KCTD18: variants seen among roughly 807,000 people sequenced by gnomAD.
The protein encoded by KCTD18 is BTB/POZ domain-containing protein KCTD18.
A neutral mutation model predicts 30.4 loss-of-function variants in KCTD18; 22 were observed. The ratio of observed to expected loss-of-function variants is 0.72; its 90% confidence interval spans 0.52 to 1.03. The LOEUF (loss-of-function observed/expected upper bound fraction) is 1.03, where lower values mean the gene tolerates loss of function less well. KCTD18 is among the 50% of genes least tolerant of loss of function. KCTD18 has a pLI of 0.00. For synonymous variants in KCTD18, 186 were observed against 209.0 expected, an observed-to-expected ratio of 0.89 and a Z score of 0.95; for missense variants, 529 against 547.6, an observed-to-expected ratio of 0.97 and a Z score of 0.34.
intron 2 of KCTD18, 86 bp downstream of exon 2, chr2:200,506,771 A>G (rs2106285630): frequency 8.1e-7 from 1 of 1,232,870 alleles, no homozygotes; most frequent in Non-Finnish European, 1.2e-6. Flanking sequence ...CATCTAGTAC[A>G]TTTCGCTGTA....
At chr2:200,509,322 C>G (rs531672393) in intron 1 of KCTD18, among the ~76,000 whole-genome samples, 127 of 152,260 alleles carry the variant, frequency 8.3e-4, no homozygotes, top group African/African-American at 3.0e-3. Flanking sequence ...CCCCACACCG[C>G]CTCCTCCAGC....
Position 200,489,962 on chromosome 2 carries a change from TCA to T in KCTD18, c.*136_*137del. On this transcript the variant is annotated 3_prime_UTR_variant, in exon 7 of 7. Coordinates refer to ENST00000359878, the MANE Select transcript of KCTD18 (RefSeq NM_152387.4). Reference sequence around the variant, plus strand: ...AAGTCTCCCCTCCTCCATTCCTAGCTCACACAATTCCAGGAACAGAATCCTCA... The same window carrying T: ...AAGTCTCCCCTCCTCCATTCCTAGCTCACAATTCCAGGAACAGAATCCTCA... 2 of 895,708 alleles carry T rather than the reference TCA, an allele frequency of 2.2e-6. No homozygotes were observed. Among genetic ancestry groups the T allele is most frequent in the Non-Finnish European group, 3.2e-6 (2 of 617,490 alleles). The allele number at this position is 895,708 out of a possible 1,614,324, so 55.5% of individuals were successfully genotyped here. A position where few individuals can be genotyped will look rare whatever the true frequency, so the allele number is the denominator to read the frequency against.
At chr2:200,508,851 GC>G (rs1479169296) in intron 1 of KCTD18, among the ~76,000 whole-genome samples, 7 of 152,184 alleles carry the variant, frequency 4.6e-5, no homozygotes, top group African/African-American at 1.7e-4. Context: ...TGTTCCCTCT[GC>G]CTCATTACTG....
At chr2:200,508,392 G>A (rs1255006884) in intron 1 of KCTD18, among the ~76,000 whole-genome samples, 1 of 152,134 alleles carries the variant, frequency 6.6e-6, no homozygotes, top group Non-Finnish European at 1.5e-5. Context: ...ACCAGGCCCA[G>A]GGAAGGTTTA....
chr2:200,494,034 T>C (rs868665763), intron 5 of KCTD18, among the ~76,000 whole-genome samples: 3 of 152,260 alleles, frequency 2.0e-5, no homozygotes, highest in East Asian at 1.9e-4. Context: ...AAATCTGTTA[T>C]GTTTTTTATT....
At chr2:200,504,717 T>C (rs373033476) in intron 3 of KCTD18, 31 bp downstream of exon 3, 1 of 1,463,098 alleles carries the variant, frequency 6.8e-7, no homozygotes, top group Non-Finnish European at 9.5e-7. Context: ...CATAAATATA[T>C]ATATTCAAAA....
rs2088039787 is a variant in KCTD18, at chr2:200,498,951, C to G, written c.506G>C (p.Gly169Ala). The G allele has an allele frequency of 1.2e-6, 2 of 1,614,102 alleles. No homozygotes were observed. The highest frequency in any genetic ancestry group is 1.1e-5 in the South Asian group (1 of 91,080). The change falls in exon 4 of 7, where the codon GGA becomes GCA. Residue 169 changes from glycine to alanine, a missense_variant. Physicochemically the swap from Gly to Ala is moderately conservative, Grantham distance 60. Transcript: ENST00000359878. ...CAGCTGCTTTTCAATAGCGTCTGTT[C>G]CATCAGTTTTTGTGGCATATACACC... is the stretch of plus-strand genomic sequence containing the variant. ...IIGVYATKTD[G>A]TDAIEKQLGG...
chr2:200,509,093 T>C lies in KCTD18; in HGVS notation c.-76+535A>G, dbSNP rs2030370125. 2.6e-5 allele frequency among the ~76,000 whole-genome samples: 4 copies of C among 152,284 alleles called. No individual in the cohort carries two copies. The South Asian group carries it at 8.3e-4, about 32-fold the overall frequency. On this transcript the variant is annotated intron_variant, in intron 1 of 6. Coordinates refer to ENST00000359878, the MANE Select transcript of KCTD18 (RefSeq NM_152387.4). ...ATAACTCCCATTTACTGAATGCTTA[T>C]TATGTGCCAGCCATTGTAAGAGACA...
intron 4 of KCTD18, 87 bp from the exon 5 acceptor site, chr2:200,497,934 G>T: frequency 2.2e-6 from 2 of 929,034 alleles, no homozygotes; most frequent in Non-Finnish European, 3.4e-6. Flanking sequence ...TTTAATAAGA[G>T]CTTGTTAATT....
At chr2:200,491,714 G>A (rs1231883438) in intron 6 of KCTD18, among the ~76,000 whole-genome samples, 1 of 152,096 alleles carries the variant, frequency 6.6e-6, no homozygotes, top group Admixed American at 6.5e-5. Context: ...AACAATCATT[G>A]TCAAAACCTT....
At chr2:200,506,793 C>G in intron 2 of KCTD18, 64 bp downstream of exon 2, 1 of 1,483,668 alleles carries the variant, frequency 6.7e-7, no homozygotes, top group East Asian at 2.3e-5. Context: ...TTAAGAAAAT[C>G]AAAGGGAACT....
At chr2:200,505,019 C>G in intron 2 of KCTD18, 60 bp from the exon 3 acceptor site, 1 of 1,352,232 alleles carries the variant, frequency 7.4e-7, no homozygotes, top group Non-Finnish European at 1.0e-6. Flanking sequence ...AAGATTTCAA[C>G]AAATCAAACT....
rs1196893283 is a variant in KCTD18, at chr2:200,497,642, G to T, written c.661+111C>A. ...GTTATCATGAGATGACAAATACATT[G>T]TAAGACTCAAAAGAATACTTTCTAA... On this transcript the variant is annotated intron_variant, in intron 5 of 6. Coordinates refer to ENST00000359878, the MANE Select transcript of KCTD18 (RefSeq NM_152387.4). 3 of 775,780 alleles carry T rather than the reference G, an allele frequency of 3.9e-6. No homozygotes were observed. In the Admixed American group the frequency reaches 5.8e-5, roughly 15 times the overall value. The allele number at this position is 775,780 out of a possible 1,614,324, so 48.1% of individuals were successfully genotyped here. A position where few individuals can be genotyped will look rare whatever the true frequency, so the allele number is the denominator to read the frequency against.
intron 5 of KCTD18, among the ~76,000 whole-genome samples, chr2:200,494,695 A>G (rs1396633739): frequency 6.6e-6 from 1 of 152,106 alleles, no homozygotes; most frequent in Non-Finnish European, 1.5e-5. Context: ...AGTCAGATTT[A>G]TTAAGATATA....
At chr2:200,507,828 T>G (rs914360198) in intron 1 of KCTD18, among the ~76,000 whole-genome samples, 21 of 152,192 alleles carry the variant, frequency 1.4e-4, no homozygotes, top group African/African-American at 5.1e-4. Context: ...TTATAATTCT[T>G]CTTTTAATTT....
At position 200,490,191 on chromosome 2, in the gene KCTD18, G is replaced by A. The variant is rs372450231; in HGVS notation, c.1190C>T (p.Thr397Met). ...CGGCTTGAGGGAGTTGGCCTGCCTC[G>A]TGGCCGTGGGGGAGGGCAGGCAAGG... is the stretch of plus-strand genomic sequence containing the variant. ...TAPCLPSPTA[T>M]RQANSLKPLP... The change falls in exon 7 of 7, where the codon ACG (threonine) becomes ATG (methionine). Residue 397 changes from threonine to methionine, a missense_variant. Coordinates refer to ENST00000359878, the MANE Select transcript of KCTD18 (RefSeq NM_152387.4). The A allele has an allele frequency of 3.1e-6, 5 of 1,613,932 alleles. No homozygotes were observed. Among genetic ancestry groups the A allele is most frequent in the East Asian group, 2.2e-5 (1 of 44,880 alleles).
intron 6 of KCTD18, among the ~76,000 whole-genome samples, chr2:200,492,349 C>CA (rs2087932115): frequency 6.6e-6 from 1 of 152,190 alleles, no homozygotes; most frequent in Non-Finnish European, 1.5e-5. Flanking sequence ...CCCTGGAAGG[C>CA]AAAATCACCC....
At chr2:200,502,627 G>A (rs77623450) in intron 3 of KCTD18, among the ~76,000 whole-genome samples, 25,011 of 152,132 alleles carry the variant, frequency 0.16, 2,297 homozygotes, top group Non-Finnish European at 0.21. Flanking sequence ...GAGCTCTAAC[G>A]TCCTGCAGAT....
chr2:200,491,357 C>T (rs1342682339), intron 6 of KCTD18, among the ~76,000 whole-genome samples: 1 of 152,200 alleles, frequency 6.6e-6, no homozygotes, highest in Non-Finnish European at 1.5e-5. Flanking sequence ...GACTGCAGAA[C>T]CATGAGTCAA....
Sources: gnomAD v4.1 joint callset for allele counts (sites outside exome capture counted in the v4.1 genomes callset) on GRCh38, gnomAD v4.1.1 for gene constraint, MANE v1.5 for transcripts, NCBI Gene and HGNC (gene_info 2026-07-23, HGNC 2026-07-21) for gene names.